The following RPGR variants were observed in gnomAD, a reference collection of about 807,000 sequenced individuals.
RPGR encodes X-linked retinitis pigmentosa GTPase regulator.
Under a neutral mutation model 56.3 loss-of-function variants are expected in RPGR, and 10 were observed. The observed-to-expected ratio is 0.18, with a 90% CI of 0.11 to 0.30. The LOEUF (loss-of-function observed/expected upper bound fraction) is 0.30. RPGR is among the 10% of genes least tolerant of loss of function. The pLI is 1.00. For synonymous variants in RPGR, 197 were observed against 212.9 expected, an observed-to-expected ratio of 0.93 and a Z score of 0.65; for missense variants, 538 against 590.9, an observed-to-expected ratio of 0.91 and a Z score of 0.93.
chrX:38,294,049 A>G (rs2067336126), intron 11 of RPGR, among the ~76,000 whole-genome samples: 1 of 111,395 alleles, frequency 9.0e-6, no homozygotes, highest in Non-Finnish European at 1.9e-5. Context: ...TTCCCCATTC[A>G]TAACTCAACT....
intron 7 of RPGR, among the ~76,000 whole-genome samples, chrX:38,305,746 A>AAAAATAAAATAAAATAAAATAAAAT (rs5902182): frequency 7.0e-5 from 6 of 85,480 alleles, no homozygotes; most frequent in African/African-American, 2.6e-4. Flanking sequence ...ACTCCATCTC[A>AAAAATAAAATAAAATAAAATAAAAT]AAAATAAAAT....
At position 38,309,816 on chromosome X, in the gene RPGR, G is replaced by A. The variant is rs1317876137; in HGVS notation, c.778+799C>T. Among the ~76,000 whole-genome samples, 7 of 110,234 alleles carry A rather than the reference G, an allele frequency of 6.4e-5. No homozygotes were observed. The South Asian group carries it at 1.1e-3, about 18-fold the overall frequency. Reference sequence around the variant, plus strand: ...GCACTGCAGCCTACATGACAAGAGCGAAACTCCGTCTCAAAAAAAAACAGT... The same window carrying A: ...GCACTGCAGCCTACATGACAAGAGCAAAACTCCGTCTCAAAAAAAAACAGT... On this transcript the variant is annotated intron_variant, in intron 7 of 18. Coordinates refer to ENST00000642395, the MANE Select transcript of RPGR (RefSeq NM_000328.3).
intron 7 of RPGR, among the ~76,000 whole-genome samples, chrX:38,309,569 T>C (rs757609142): frequency 1.1e-4 from 12 of 112,920 alleles, no homozygotes; most frequent in African/African-American, 3.5e-4. Context: ...GGCTCACGCC[T>C]GTAATCCCAG....
intron 18 of RPGR, among the ~76,000 whole-genome samples, chrX:38,270,604 C>T (rs2066826703): frequency 1.1e-5 from 1 of 91,370 alleles, no homozygotes; most frequent in Non-Finnish European, 2.1e-5. Context: ...GCTTGGGCGA[C>T]AGAGCGAGAC....
chrX:38,296,162 A>T (rs1379793228), intron 11 of RPGR: 1 of 110,346 alleles, frequency 9.1e-6, no homozygotes, highest in African/African-American at 3.3e-5. Flanking sequence ...AAAAATACAA[A>T]AAATTAGCCG....
At chrX:38,281,368 A>T (rs772185870) in intron 15 of RPGR, among the ~76,000 whole-genome samples, 17 of 112,034 alleles carry the variant, frequency 1.5e-4, no homozygotes, top group Non-Finnish European at 2.3e-4. Flanking sequence ...GTTTCAACAC[A>T]CTTTAAATAT....
At chrX:38,291,554 CAG>C (rs2067279543) in intron 11 of RPGR, 70 bp from the exon 12 acceptor site, 6 of 600,554 alleles carry the variant, frequency 1.0e-5, no homozygotes, top group East Asian at 6.8e-5. Flanking sequence ...GGACAGAAAA[CAG>C]AAATTATTCT....
intron 9 of RPGR, among the ~76,000 whole-genome samples, chrX:38,299,739 T>TA (rs752784363): frequency 0.12 from 12,371 of 104,712 alleles, 753 homozygotes; most frequent in East Asian, 0.4. Flanking sequence ...AAGAAAATGC[T>TA]AAAAAAAAAA....
At chrX:38,286,920 C>T (rs775104362) in intron 15 of RPGR, 1 of 1,200,696 alleles carries the variant, frequency 8.3e-7, no homozygotes, top group East Asian at 3.0e-5. Context: ...CTAGTTCCTT[C>T]TCTCCCTCTC....
At chrX:38,325,380 T>C (rs1377289624) in intron 1 of RPGR, among the ~76,000 whole-genome samples, 1 of 111,427 alleles carries the variant, frequency 9.0e-6, no homozygotes, top group Non-Finnish European at 1.9e-5. Context: ...TTCGTAACTG[T>C]TGAATGTTTT....
chrX:38,286,881 A>G, intron 15 of RPGR: 1 of 1,196,141 alleles, frequency 8.4e-7, no homozygotes, highest in Non-Finnish European at 1.1e-6. Flanking sequence ...GCTCTTCCCC[A>G]TCCCTCTTCT....
rs2067842791 is a variant in RPGR, at chrX:38,317,248, A to G, written c.619+68T>C. 4.9e-6 allele frequency: 5 copies of G among 1,019,404 alleles called. No individual in the cohort carries two copies. In the African/African-American group the frequency reaches 9.4e-5, roughly 19 times the overall value. 84.0% of individuals were successfully genotyped at this position (1,019,404 alleles called of 1,213,427 possible). A position where few individuals can be genotyped will look rare whatever the true frequency, so the allele number is the denominator to read the frequency against. ...TTTCTATAGAACCAGAGACTATATC[A>G]TTTCATTATTAATTTAATAACAACA... is the stretch of plus-strand genomic sequence containing the variant. On this transcript the variant is annotated intron_variant, in intron 6 of 18. Coordinates refer to ENST00000642395, the MANE Select transcript of RPGR (RefSeq NM_000328.3).
Position 38,271,971 on chromosome X carries a change from A to C in RPGR, c.2241+1415T>G, listed in dbSNP as rs191015977. On this transcript the variant is annotated intron_variant, in intron 18 of 18. Transcript: ENST00000642395. ...CCAGATTGATTTGAAAAAGAACAAA[A>C]ATACAACTTCACTTAAAATGTGAAA... Among the ~76,000 whole-genome samples the C allele has an allele frequency of 3.1e-4, 35 of 112,361 alleles. 2 individuals are homozygous for C. In the Admixed American group the frequency reaches 3.3e-3, roughly 11 times the overall value.
intron 15 of RPGR, chrX:38,286,890 C>G (rs767800135): frequency 2.5e-6 from 3 of 1,202,725 alleles, no homozygotes; most frequent in Admixed American, 2.2e-5. Flanking sequence ...CATCCCTCTT[C>G]TTCCATTCTT....
intron 6 of RPGR, chrX:38,317,100 T>C (rs1306696599): frequency 1.8e-5 from 7 of 384,031 alleles, no homozygotes; most frequent in Non-Finnish European, 2.7e-5. Flanking sequence ...CTCTCTATAT[T>C]CACCTAAAAA....
intron 15 of RPGR, among the ~76,000 whole-genome samples, chrX:38,283,445 C>T (rs767935214): frequency 6.4e-4 from 71 of 111,796 alleles, no homozygotes; most frequent in Non-Finnish European, 1.0e-3. Context: ...TTAGGTCACT[C>T]ATTCTCATTC....
At chrX:38,277,035 G>GA (rs1281540828) in intron 15 of RPGR, among the ~76,000 whole-genome samples, 4 of 106,361 alleles carry the variant, frequency 3.8e-5, no homozygotes, top group Non-Finnish European at 5.9e-5. Context: ...GGTTACAATG[G>GA]AAAAAAAAAA....
At chrX:38,327,057 CATA>C in intron 1 of RPGR, 1 of 304,071 alleles carries the variant, frequency 3.3e-6, no homozygotes, top group East Asian at 5.5e-5. Context: ...AACTCCGTCT[CATA>C]AAAAAAAAAA....
intron 15 of RPGR, 53 bp downstream of exon 15, chrX:38,284,355 T>C (rs1279009882): frequency 1.9e-6 from 1 of 523,980 alleles, no homozygotes; most frequent in Non-Finnish European, 2.3e-6. Flanking sequence ...CTCTCTAAAA[T>C]TCAGTATCTA....
Sources: gnomAD v4.1 joint callset for allele counts (sites outside exome capture counted in the v4.1 genomes callset) on GRCh38, gnomAD v4.1.1 for gene constraint, MANE v1.5 for transcripts, NCBI Gene and HGNC (gene_info 2026-07-23, HGNC 2026-07-21) for gene names.